The following OR2L13 variants were observed in gnomAD, a reference collection of about 807,000 sequenced individuals.
The protein encoded by OR2L13 is olfactory receptor family 2 subfamily L member 13, also known as olfactory receptor 2L13.
In OR2L13, 14 loss-of-function variants were observed where a neutral mutation model predicts 15.3. That is an observed-to-expected ratio of 0.91 (90% CI 0.60 to 1.43). The LOEUF (loss-of-function observed/expected upper bound fraction) is 1.43. Ranked by LOEUF, OR2L13 falls within the 40% of genes most tolerant of loss-of-function variation. The pLI is 0.00. For synonymous variants in OR2L13, 152 were observed against 142.9 expected, an observed-to-expected ratio of 1.06 and a Z score of -0.45; for missense variants, 367 against 387.9, an observed-to-expected ratio of 0.95 and a Z score of 0.45.
chr1:248,098,981 T>G (rs1186287222), intron 2 of OR2L13, among the ~76,000 whole-genome samples: 1 of 152,230 alleles, frequency 6.6e-6, no homozygotes, highest in Non-Finnish European at 1.5e-5. Context: ...TTTATTTTTG[T>G]TTGCTTGATT....
the OR2L13 span, among the ~76,000 whole-genome samples, chr1:248,049,368 G>A: frequency 3.9e-5 from 6 of 152,286 alleles, no homozygotes; most frequent in East Asian, 7.7e-4. Flanking sequence ...TTAGTAATAG[G>A]TTCTTCATTT....
chr1:248,043,558 G>A, the OR2L13 span, among the ~76,000 whole-genome samples: 1 of 152,170 alleles, frequency 6.6e-6, no homozygotes, highest in Non-Finnish European at 1.5e-5. Flanking sequence ...GACAGACATT[G>A]AATGGAGTTG....
At chr1:247,974,027 C>G in the OR2L13 span, among the ~76,000 whole-genome samples, 1 of 152,106 alleles carries the variant, frequency 6.6e-6, no homozygotes, top group Non-Finnish European at 1.5e-5. Context: ...GGGAACCAAC[C>G]CAAATGCCCA....
chr1:248,003,755 C>T, the OR2L13 span: 27 of 1,613,756 alleles, frequency 1.7e-5, no homozygotes, highest in Non-Finnish European at 2.2e-5. Context: ...TCTCGTGTTT[C>T]CCTTCATTGC....
At chr1:248,100,810 G>A (rs1165905481) in exon 3 of OR2L13, 1 of 167,172 alleles carries the variant, frequency 6.0e-6, no homozygotes, top group Admixed American at 6.6e-5. Flanking sequence ...AATAGTTTCA[G>A]AAGTTATATA....
chr1:248,035,934 GATAC>G, the OR2L13 span, among the ~76,000 whole-genome samples: 1 of 151,996 alleles, frequency 6.6e-6, no homozygotes, highest in African/African-American at 2.4e-5. Flanking sequence ...TCCTGATGGT[GATAC>G]ATATATACAT....
the OR2L13 span, among the ~76,000 whole-genome samples, chr1:247,993,954 A>G: frequency 6.6e-6 from 1 of 152,136 alleles, no homozygotes; most frequent in African/African-American, 2.4e-5. Context: ...TCATTAACGA[A>G]CACAATGTGT....
At chr1:247,974,949 C>A in the OR2L13 span, 1 of 288,932 alleles carries the variant, frequency 3.5e-6, no homozygotes, top group South Asian at 4.9e-5. Context: ...CCTCATTGAC[C>A]TAAATTACAT....
chr1:247,974,430 TA>T, the OR2L13 span, among the ~76,000 whole-genome samples: 395 of 149,528 alleles, frequency 2.6e-3, 2 homozygotes, highest in African/African-American at 8.7e-3. Context: ...TAAAGTATAT[TA>T]AAAAAAAAAG....
chr1:247,990,416 G>A, the OR2L13 span: 10 of 1,584,614 alleles, frequency 6.3e-6, no homozygotes, highest in Non-Finnish European at 8.7e-6. Context: ...TCATCTTCTT[G>A]GACATCCATC....
At chr1:248,030,513 C>CA in the OR2L13 span, among the ~76,000 whole-genome samples, 4 of 152,172 alleles carry the variant, frequency 2.6e-5, no homozygotes, top group African/African-American at 9.7e-5. Flanking sequence ...ACTATGCTTT[C>CA]ATGGGCTCAA....
chr1:247,984,461 T>C, the OR2L13 span, among the ~76,000 whole-genome samples: 3 of 152,166 alleles, frequency 2.0e-5, no homozygotes, highest in Non-Finnish European at 4.4e-5. Flanking sequence ...AAACAGTATA[T>C]ATTCTACTTG....
chr1:248,000,295 A>C, the OR2L13 span, among the ~76,000 whole-genome samples: 1 of 151,902 alleles, frequency 6.6e-6, no homozygotes, highest in Admixed American at 6.6e-5. Flanking sequence ...CAGAATCTGA[A>C]CTCAAGAAGA....
the OR2L13 span, among the ~76,000 whole-genome samples, chr1:248,071,243 C>A: frequency 1.3e-5 from 2 of 152,040 alleles, no homozygotes; most frequent in Non-Finnish European, 2.9e-5. Flanking sequence ...TACTGGCAAA[C>A]CGAATCCAGC....
the OR2L13 span, among the ~76,000 whole-genome samples, chr1:248,059,986 C>T: frequency 2.0e-5 from 3 of 151,442 alleles, no homozygotes; most frequent in African/African-American, 7.3e-5. Context: ...ATGCAGTGAG[C>T]TATGATATTG....
At chr1:248,002,805 C>A in the OR2L13 span, among the ~76,000 whole-genome samples, 2 of 151,090 alleles carry the variant, frequency 1.3e-5, no homozygotes, top group Admixed American at 6.6e-5. Flanking sequence ...TTGCAGTGAG[C>A]CGAGATCGCA....
At chr1:247,986,603 T>C in the OR2L13 span, among the ~76,000 whole-genome samples, 1 of 152,062 alleles carries the variant, frequency 6.6e-6, no homozygotes, top group African/African-American at 2.4e-5. Flanking sequence ...GGACTCTTTT[T>C]TGGTTCCATA....
At chr1:248,005,002 T>C in the OR2L13 span, among the ~76,000 whole-genome samples, 1 of 152,076 alleles carries the variant, frequency 6.6e-6, no homozygotes, top group Non-Finnish European at 1.5e-5. Context: ...AGACTGATGG[T>C]CACCAGAGGG....
chr1:248,044,819 A>AC, the OR2L13 span, among the ~76,000 whole-genome samples: 3 of 82,410 alleles, frequency 3.6e-5, no homozygotes, highest in South Asian at 2.6e-4. Flanking sequence ...CAAAAAAAAA[A>AC]AAAAAAAAAA....
Sources: allele counts gnomAD v4.1 joint callset (sites outside exome capture counted in the v4.1 genomes callset), GRCh38; gene constraint gnomAD v4.1.1; transcripts MANE v1.5; gene names NCBI Gene and HGNC (gene_info 2026-07-23, HGNC 2026-07-21).